ATXN1: variants seen among roughly 807,000 people sequenced by gnomAD.
ATXN1 encodes the protein ataxin 1, also known as ataxin-1.
In ATXN1, 8 loss-of-function variants were observed where a neutral mutation model predicts 56.4. The observed-to-expected ratio is 0.14, with a 90% CI of 0.08 to 0.26. The LOEUF (loss-of-function observed/expected upper bound fraction) is 0.26, where lower values mean the gene tolerates loss of function less well. Among genes scored for constraint, ATXN1 ranks in the 10% least tolerant of loss-of-function variants. The probability of loss-of-function intolerance (pLI) is 1.00; values close to 1 mark genes in which losing one functional copy is unlikely to be tolerated. For synonymous variants in ATXN1, 514 were observed against 494.6 expected (o/e 1.04, Z -0.52); for missense variants, 987 against 1,106.5 (o/e 0.89, Z 1.53).
At chr6:16,631,174 T>A (rs1763497246) in intron 3 of ATXN1, among the ~76,000 whole-genome samples, 1 of 152,216 alleles carries the variant, frequency 6.6e-6, no homozygotes, top group Non-Finnish European at 1.5e-5. Flanking sequence ...TTAGGTCAAC[T>A]TTCCCAGGGT....
At chr6:16,643,400 G>A (rs1221878555) in intron 3 of ATXN1, among the ~76,000 whole-genome samples, 1 of 152,004 alleles carries the variant, frequency 6.6e-6, no homozygotes, top group African/African-American at 2.4e-5. Context: ...AGGCCAAGAC[G>A]GGTAGACTGC....
intron 6 of ATXN1, among the ~76,000 whole-genome samples, chr6:16,448,328 A>G (rs533821533): frequency 6.6e-6 from 1 of 152,244 alleles, no homozygotes; most frequent in South Asian, 2.1e-4. Flanking sequence ...CCTTGTCTAA[A>G]AGAGCAGGCC....
At chr6:16,712,394 A>T (rs16878866) in intron 2 of ATXN1, among the ~76,000 whole-genome samples, 2 of 152,156 alleles carry the variant, frequency 1.3e-5, no homozygotes, top group African/African-American at 4.8e-5. Flanking sequence ...CAAGGCAGAC[A>T]GCAAGTGAGA....
At chr6:16,699,278 T>C (rs1042819207) in intron 2 of ATXN1, among the ~76,000 whole-genome samples, 1 of 152,250 alleles carries the variant, frequency 6.6e-6, no homozygotes, top group Non-Finnish European at 1.5e-5. Flanking sequence ...GTTAGAAATC[T>C]CAAGCTCGTC....
chr6:16,543,598 T>C (rs2113719656), intron 4 of ATXN1, among the ~76,000 whole-genome samples: 1 of 145,816 alleles, frequency 6.9e-6, no homozygotes, highest in Non-Finnish European at 1.5e-5. Context: ...TCTGTTTGCA[T>C]GTGTTCTAAC....
At chr6:16,487,550 C>G (rs1179202378) in intron 5 of ATXN1, among the ~76,000 whole-genome samples, 1 of 152,128 alleles carries the variant, frequency 6.6e-6, no homozygotes, top group Non-Finnish European at 1.5e-5. Context: ...TTACCAAGTG[C>G]TTTCTCATTA....
intron 2 of ATXN1, among the ~76,000 whole-genome samples, chr6:16,687,021 G>A (rs1758933268): frequency 6.6e-6 from 1 of 152,110 alleles, no homozygotes; most frequent in Non-Finnish European, 1.5e-5. Flanking sequence ...CAATCAGAGT[G>A]CACTACTCCA....
At chr6:16,709,806 A>G (rs1297827662) in intron 2 of ATXN1, among the ~76,000 whole-genome samples, 3 of 152,214 alleles carry the variant, frequency 2.0e-5, no homozygotes, top group Non-Finnish European at 4.4e-5. Context: ...CATAGTCGCA[A>G]AAATACTTAA....
intron 5 of ATXN1, among the ~76,000 whole-genome samples, chr6:16,491,642 C>T (rs235150): frequency 0.84 from 128,061 of 152,030 alleles, 54,813 homozygotes; most frequent in East Asian, 1. Flanking sequence ...CAAATTCTAA[C>T]GTAGCCCACA....
intron 3 of ATXN1, among the ~76,000 whole-genome samples, chr6:16,609,958 A>G (rs372271469): frequency 8.5e-5 from 13 of 152,266 alleles, no homozygotes; most frequent in Non-Finnish European, 1.5e-4. Flanking sequence ...TTTTTTTTCA[A>G]TGACTGATTT....
At chr6:16,458,522 G>T (rs1003633839) in intron 6 of ATXN1, among the ~76,000 whole-genome samples, 4 of 152,138 alleles carry the variant, frequency 2.6e-5, no homozygotes, top group Non-Finnish European at 4.4e-5. Flanking sequence ...ACAAAATCTG[G>T]AGGCATTATT....
rs976352049 is a variant in ATXN1, at chr6:16,408,326, G to A, written c.-161+77646C>T. On this transcript the variant is annotated intron_variant, in intron 6 of 7. Transcript: ENST00000436367. ...GGCCTTGTGAAATCTCAGTTACTTC[G>A]TGTCTCCTTTAAATAAACTATAGTT... is the stretch of plus-strand genomic sequence containing the variant. Among the ~76,000 whole-genome samples, 15 of 152,044 alleles carry A rather than the reference G, an allele frequency of 9.9e-5. No individual in the cohort carries two copies. The East Asian group carries it at 1.2e-3, about 12-fold the overall frequency.
At position 16,729,302 on chromosome 6, in the gene ATXN1, C is replaced by T. The variant is rs114529137; in HGVS notation, c.-615+23931G>A. Among the ~76,000 whole-genome samples, 678 of 152,254 alleles carry T rather than the reference C, an allele frequency of 4.5e-3. 2 individuals carry two copies. Among genetic ancestry groups the T allele is most frequent in the African/African-American group, 0.015 (636 of 41,572 alleles). On this transcript the variant is annotated intron_variant, in intron 2 of 7. Coordinates refer to ENST00000436367, the MANE Select transcript of ATXN1 (RefSeq NM_001128164.2). ...AAAAGGAGCTTTCCTGTGGGGTGAG[C>T]GGTAAATGAATAACGGCTGGACTGA... is the stretch of plus-strand genomic sequence containing the variant.
In ATXN1 at chr6:16,417,690, G is replaced by A. The variant is rs185143223; in HGVS notation, c.-161+68282C>T. On this transcript the variant is annotated intron_variant, in intron 6 of 7. Coordinates refer to ENST00000436367, the MANE Select transcript of ATXN1 (RefSeq NM_001128164.2). Reference sequence around the variant, plus strand: ...CCTGACCTCGTGATCCCCCTGCCTCGGCCTCCCAAAGTGCTGGGACTATAG... The same window carrying A: ...CCTGACCTCGTGATCCCCCTGCCTCAGCCTCCCAAAGTGCTGGGACTATAG... 2.1e-4 allele frequency among the ~76,000 whole-genome samples: 32 copies of A among 151,872 alleles called. 1 individual carries two copies. Among genetic ancestry groups the A allele is most frequent in the Admixed American group, 2.6e-4 (4 of 15,266 alleles).
At chr6:16,417,323 C>G (rs1331099738) in intron 6 of ATXN1, among the ~76,000 whole-genome samples, 1 of 152,220 alleles carries the variant, frequency 6.6e-6, no homozygotes, top group East Asian at 1.9e-4. Flanking sequence ...GCGCAAGCCA[C>G]CACACCAAGC....
intron 6 of ATXN1, among the ~76,000 whole-genome samples, chr6:16,347,861 A>C (rs966747617): frequency 6.6e-6 from 1 of 151,952 alleles, no homozygotes; most frequent in African/African-American, 2.4e-5. Flanking sequence ...ATCCCTTTCC[A>C]CACTGTGGAA....
At chr6:16,670,052 C>A (rs1373313300) in intron 2 of ATXN1, among the ~76,000 whole-genome samples, 1 of 152,092 alleles carries the variant, frequency 6.6e-6, no homozygotes, top group Non-Finnish European at 1.5e-5. Flanking sequence ...TGGGTCTGGT[C>A]ACTTCTGTGG....
chr6:16,706,982 T>C lies in ATXN1; in HGVS notation c.-615+46251A>G, dbSNP rs1262103820. ...ATCTCTTTTCAATCCTAGACTTAGA[T>C]ATACAATTTTCTGTCACCTAAATGT... On this transcript the variant is annotated intron_variant, in intron 2 of 7. Transcript: ENST00000436367. Among the ~76,000 whole-genome samples the C allele has an allele frequency of 2.0e-5, 3 of 152,180 alleles. No homozygotes were observed. The East Asian group carries it at 5.8e-4, about 29-fold the overall frequency.
intron 6 of ATXN1, among the ~76,000 whole-genome samples, chr6:16,351,892 T>C (rs557903411): frequency 1.3e-5 from 2 of 152,300 alleles, no homozygotes; most frequent in South Asian, 4.1e-4. Context: ...TTACTTTGGA[T>C]TGGGAAATGG....
Sources: allele counts gnomAD v4.1 joint callset (sites outside exome capture counted in the v4.1 genomes callset), GRCh38; gene constraint gnomAD v4.1.1; transcripts MANE v1.5; gene names NCBI Gene and HGNC (gene_info 2026-07-23, HGNC 2026-07-21).